The following DTHD1 variants were observed in gnomAD, a reference collection of about 807,000 sequenced individuals.
DTHD1 encodes the protein death domain containing 1.
A neutral mutation model predicts 74.8 loss-of-function variants in DTHD1; 59 were observed. That is an observed-to-expected ratio of 0.79 (90% confidence interval 0.64 to 0.98). The LOEUF is 0.98. Ranked by LOEUF, DTHD1 falls within the 50% of genes least tolerant of loss-of-function variation. The pLI is 0.00. For missense variants in DTHD1, 1,051 were observed against 1,065.4 expected (o/e 0.99, Z 0.19); for synonymous variants, 365 against 371.1 (o/e 0.98, Z 0.19).
In DTHD1 at chr4:36,290,389, A is replaced by C. The variant is rs1408132132; in HGVS notation, c.904A>C (p.Ser302Arg). 1 of 1,550,260 alleles carries C rather than the reference A, an allele frequency of 6.5e-7. No homozygotes were observed. The highest frequency in any genetic ancestry group is 8.7e-7 in the Non-Finnish European group (1 of 1,145,724). ...CCCCTCCAGGTATCTTGATGTGCTG[A>C]GTGATGTTACTGGCCCCCAAGTGTC... is the stretch of plus-strand genomic sequence containing the variant. The part of the protein sequence containing the change: ...IMEKEYLDVL[S>R]DVTGPQVSCY... Residue 302 changes from serine to arginine, a missense_variant, in exon 3 of 10, where the codon AGT becomes CGT. By Grantham distance (110) the Ser-to-Arg change is moderately radical (BLOSUM62 -1). Coordinates refer to ENST00000639862, the MANE Select transcript of DTHD1 (RefSeq NM_001170700.3).
intron 3 of DTHD1, among the ~76,000 whole-genome samples, chr4:36,291,256 G>A (rs192203917): frequency 6.8e-4 from 103 of 152,198 alleles, no homozygotes; most frequent in African/African-American, 2.3e-3. Flanking sequence ...TTTGAAATAC[G>A]GTTTTTACAC....
At chr4:36,293,028 G>A (rs1416883523) in intron 3 of DTHD1, among the ~76,000 whole-genome samples, 1 of 152,152 alleles carries the variant, frequency 6.6e-6, no homozygotes, top group Non-Finnish European at 1.5e-5. Context: ...GACTTTATTT[G>A]GGGAACCTAA....
At chr4:36,341,124 G>A (rs1255157164) in intron 9 of DTHD1, among the ~76,000 whole-genome samples, 2 of 152,174 alleles carry the variant, frequency 1.3e-5, no homozygotes, top group Non-Finnish European at 2.9e-5. Flanking sequence ...GGTTTAAGTA[G>A]TGAGTTGATA....
intron 5 of DTHD1, 57 bp downstream of exon 5, chr4:36,295,096 G>A: frequency 4.3e-6 from 6 of 1,408,414 alleles, no homozygotes; most frequent in Non-Finnish European, 5.6e-6. Context: ...AAGCTTAGAT[G>A]ATTAAAACTT....
chr4:36,286,313 C>G (rs1483264617), intron 2 of DTHD1, among the ~76,000 whole-genome samples: 1 of 152,214 alleles, frequency 6.6e-6, no homozygotes, highest in Non-Finnish European at 1.5e-5. Context: ...ACTACTCCCT[C>G]TAACACCTCC....
In DTHD1 at chr4:36,282,031, C is replaced by A; in HGVS notation, c.271+2C>A. On this transcript the variant is annotated splice_donor_variant, in intron 1 of 9. Transcript: ENST00000639862. LOFTEE classifies it high-confidence loss of function. ...AGAATCAATGTGTCTCGAGAAAAGG[C>A]AAGTATTCTTTTTTTTAGTTTATTC... 2 of 1,521,204 alleles carry A rather than the reference C, an allele frequency of 1.3e-6. No homozygotes were observed. The highest frequency in any genetic ancestry group is 1.8e-6 in the Non-Finnish European group (2 of 1,130,896). The allele number at this position is 1,521,204 out of a possible 1,614,324, so 94.2% of individuals were successfully genotyped here.
At chr4:36,293,467 C>G in intron 3 of DTHD1, 59 bp from the exon 4 acceptor site, 1 of 1,339,970 alleles carries the variant, frequency 7.5e-7, no homozygotes, top group South Asian at 2.0e-5. Context: ...AGAGTCTATA[C>G]AGCAAATATT....
chr4:36,312,639 C>A (rs1160366666), intron 7 of DTHD1, among the ~76,000 whole-genome samples: 1 of 151,022 alleles, frequency 6.6e-6, no homozygotes, highest in Non-Finnish European at 1.5e-5. Flanking sequence ...AATCCTATCT[C>A]AGGGAGTTTA....
intron 3 of DTHD1, among the ~76,000 whole-genome samples, chr4:36,290,934 T>G (rs1756041167): frequency 6.6e-6 from 1 of 152,232 alleles, no homozygotes; most frequent in Non-Finnish European, 1.5e-5. Flanking sequence ...TACCAAATGT[T>G]ATTTTTTTCA....
At chr4:36,312,189 G>A (rs1020241759) in intron 7 of DTHD1, among the ~76,000 whole-genome samples, 1 of 151,698 alleles carries the variant, frequency 6.6e-6, no homozygotes, top group South Asian at 2.1e-4. Context: ...GTGCCAGGAA[G>A]TGTTTTAATA....
intron 8 of DTHD1, among the ~76,000 whole-genome samples, chr4:36,320,747 TA>T (rs1757994028): frequency 6.6e-6 from 1 of 152,232 alleles, no homozygotes; most frequent in Non-Finnish European, 1.5e-5. Flanking sequence ...CATCAGAATT[TA>T]AAAAATTCAC....
At chr4:36,292,335 G>A (rs73229055) in intron 3 of DTHD1, among the ~76,000 whole-genome samples, 10,327 of 152,196 alleles carry the variant, frequency 0.068, 631 homozygotes, top group African/African-American at 0.16. Context: ...GGAAGAGAAA[G>A]AGAAAGAGAG....
chr4:36,342,677 A>T (rs745716111), intron 9 of DTHD1, among the ~76,000 whole-genome samples: 12 of 151,768 alleles, frequency 7.9e-5, no homozygotes, highest in Non-Finnish European at 1.8e-4. Context: ...GTGTGTGTAT[A>T]GTTAGGGATG....
At chr4:36,295,619 G>C (rs1433670515) in intron 5 of DTHD1, among the ~76,000 whole-genome samples, 1 of 151,962 alleles carries the variant, frequency 6.6e-6, no homozygotes. Context: ...GGAAGAGAGA[G>C]AGAGCATCAT....
intron 8 of DTHD1, among the ~76,000 whole-genome samples, chr4:36,321,115 C>T (rs1758013231): frequency 6.6e-6 from 1 of 152,196 alleles, no homozygotes; most frequent in Admixed American, 6.5e-5. Flanking sequence ...ATTAATTCAA[C>T]AAACAGTGTA....
intron 8 of DTHD1, among the ~76,000 whole-genome samples, chr4:36,318,612 C>CTTTTTTTTT (rs397992934): frequency 8.0e-5 from 9 of 111,804 alleles, no homozygotes; most frequent in African/African-American, 1.1e-4. Flanking sequence ...TTTTTCTTTT[C>CTTTTTTTTT]TTTTTTTTTT....
At chr4:36,316,892 C>G (rs1007423777) in intron 8 of DTHD1, among the ~76,000 whole-genome samples, 4 of 152,166 alleles carry the variant, frequency 2.6e-5, no homozygotes, top group Non-Finnish European at 4.4e-5. Flanking sequence ...TTACCAGATT[C>G]TGCATGGTTG....
chr4:36,336,388 G>A (rs1759011312), intron 8 of DTHD1, among the ~76,000 whole-genome samples: 1 of 152,168 alleles, frequency 6.6e-6, no homozygotes, highest in Admixed American at 6.5e-5. Context: ...AAGCAGTTTT[G>A]CTAATCAAAT....
intron 8 of DTHD1, among the ~76,000 whole-genome samples, chr4:36,326,762 A>C (rs561730883): frequency 6.6e-6 from 1 of 152,340 alleles, no homozygotes; most frequent in African/African-American, 2.4e-5. Flanking sequence ...CCCATCTAGC[A>C]GTTGCATTTA....
Sources: gnomAD v4.1 joint callset for allele counts (sites outside exome capture counted in the v4.1 genomes callset) on GRCh38, gnomAD v4.1.1 for gene constraint, MANE v1.5 for transcripts, NCBI Gene and HGNC (gene_info 2026-07-23, HGNC 2026-07-21) for gene names.